GABBR2: variants seen among roughly 807,000 people sequenced by gnomAD.
The protein encoded by GABBR2 is gamma-aminobutyric acid type B receptor subunit 2, also known as G-protein coupled receptor 51.
A neutral mutation model predicts 105.6 loss-of-function variants in GABBR2; 23 were observed. That is an observed-to-expected ratio of 0.22 (90% CI 0.16 to 0.31). GABBR2 has a LOEUF of 0.31. Among genes scored for constraint, GABBR2 ranks in the 10% least tolerant of loss-of-function variants. The pLI is 1.00. For missense variants in GABBR2, 734 were observed against 1,245.5 expected (o/e 0.59, Z 6.18); for synonymous variants, 478 against 499.7 (o/e 0.96, Z 0.58).
intron 1 of GABBR2, among the ~76,000 whole-genome samples, chr9:98,621,864 T>C (rs1453899110): frequency 1.3e-5 from 2 of 152,206 alleles, no homozygotes; most frequent in East Asian, 3.9e-4. Context: ...GAAGTGTATC[T>C]ATACAATATA....
At chr9:98,524,373 T>C (rs1827921168) in intron 3 of GABBR2, among the ~76,000 whole-genome samples, 1 of 152,182 alleles carries the variant, frequency 6.6e-6, no homozygotes, top group African/African-American at 2.4e-5. Flanking sequence ...TTATCATACG[T>C]ACTTACAGAA....
At chr9:98,341,699 C>G (rs888112035) in intron 13 of GABBR2, among the ~76,000 whole-genome samples, 5 of 152,126 alleles carry the variant, frequency 3.3e-5, no homozygotes, top group Non-Finnish European at 2.9e-5. Context: ...TACTCAGTTC[C>G]ACGAGGACCT....
chr9:98,687,527 G>C (rs1830634671), intron 1 of GABBR2, among the ~76,000 whole-genome samples: 1 of 152,174 alleles, frequency 6.6e-6, no homozygotes, highest in African/African-American at 2.4e-5. Context: ...AGGATCAGAG[G>C]AGCCTGACTA....
chr9:98,450,780 C>T (rs915992785), intron 7 of GABBR2, among the ~76,000 whole-genome samples: 1 of 152,192 alleles, frequency 6.6e-6, no homozygotes, highest in South Asian at 2.1e-4. Flanking sequence ...TAAAAAGAAA[C>T]TCATCCTCAA....
At chr9:98,516,619 T>C (rs796679859) in intron 3 of GABBR2, among the ~76,000 whole-genome samples, 10 of 152,124 alleles carry the variant, frequency 6.6e-5, no homozygotes, top group African/African-American at 1.9e-4. Flanking sequence ...CTTTCCAAAA[T>C]CCAAGACAGG....
chr9:98,682,097 C>T (rs759312831), intron 1 of GABBR2, among the ~76,000 whole-genome samples: 54 of 151,752 alleles, frequency 3.6e-4, no homozygotes, highest in Non-Finnish European at 7.4e-4. Flanking sequence ...CATGGTGGCC[C>T]GCACCTGTAG....
intron 1 of GABBR2, among the ~76,000 whole-genome samples, chr9:98,699,212 T>C (rs1396900634): frequency 2.6e-5 from 4 of 152,144 alleles, no homozygotes; most frequent in Admixed American, 6.5e-5. Flanking sequence ...AAAACCATAA[T>C]GCTTCTCAGA....
Position 98,468,885 on chromosome 9 carries a change from C to A in GABBR2, c.999+4261G>T, listed in dbSNP as rs115988291. On this transcript the variant is annotated intron_variant, in intron 6 of 18. Coordinates refer to ENST00000259455, the MANE Select transcript of GABBR2 (RefSeq NM_005458.8). ...GCTGATTTGGATGTGTCCCTAAGCA[C>A]GTCACAGGTCTAGAGGAGCAGCATG... Among the ~76,000 whole-genome samples the A allele has an allele frequency of 5.3e-3, 812 of 152,190 alleles. 13 individuals are homozygous for A. The highest frequency in any genetic ancestry group is 0.018 in the African/African-American group (768 of 41,526).
At chr9:98,652,982 C>T (rs1373752114) in intron 1 of GABBR2, among the ~76,000 whole-genome samples, 1 of 152,220 alleles carries the variant, frequency 6.6e-6, no homozygotes, top group African/African-American at 2.4e-5. Context: ...TTTGGCTACA[C>T]TCCTCAGCTA....
intron 1 of GABBR2, among the ~76,000 whole-genome samples, chr9:98,647,971 T>C (rs1013443006): frequency 2.7e-5 from 4 of 150,126 alleles, no homozygotes; most frequent in Admixed American, 6.7e-5. Context: ...TTTTTTTTTT[T>C]CTCCAAATAA....
At chr9:98,662,296 A>G (rs1178021605) in intron 1 of GABBR2, among the ~76,000 whole-genome samples, 1 of 152,182 alleles carries the variant, frequency 6.6e-6, no homozygotes, top group East Asian at 1.9e-4. Flanking sequence ...GGCCAGCTGG[A>G]ATGGAAGATG....
chr9:98,405,248 A>T (rs376668212), intron 8 of GABBR2, among the ~76,000 whole-genome samples: 1 of 152,182 alleles, frequency 6.6e-6, no homozygotes, highest in Non-Finnish European at 1.5e-5. Context: ...CTGTTTGAAC[A>T]TCTCTAAAAT....
intron 2 of GABBR2, among the ~76,000 whole-genome samples, chr9:98,545,533 G>C (rs1487697504): frequency 4.6e-5 from 7 of 152,174 alleles, no homozygotes; most frequent in African/African-American, 1.7e-4. Context: ...AGATTTTAAA[G>C]AATACTGATG....
At position 98,464,627 on chromosome 9, in the gene GABBR2, C is replaced by T. The variant is rs547377666; in HGVS notation, c.999+8519G>A. ...GTACCCAACAGCTCCGAAGAGACAG[C>T]GACCATCGAGAATGGGCCATGATGA... On this transcript the variant is annotated intron_variant, in intron 6 of 18. Transcript: ENST00000259455. 3.3e-5 allele frequency among the ~76,000 whole-genome samples: 5 copies of T among 152,182 alleles called. No individual in the cohort carries two copies. In the East Asian group the frequency reaches 5.8e-4, roughly 18 times the overall value.
chr9:98,484,993 A>AG (rs1377327864), intron 4 of GABBR2, among the ~76,000 whole-genome samples: 1 of 152,138 alleles, frequency 6.6e-6, no homozygotes, highest in Non-Finnish European at 1.5e-5. Context: ...AGGCAGTAGT[A>AG]GGGGGTAGGG....
chr9:98,573,133 G>C (rs565186854), intron 2 of GABBR2, among the ~76,000 whole-genome samples: 1 of 152,268 alleles, frequency 6.6e-6, no homozygotes, highest in East Asian at 1.9e-4. Flanking sequence ...GCACATTTCA[G>C]TACTCAGTGA....
chr9:98,575,424 C>A (rs1828893618), intron 2 of GABBR2, among the ~76,000 whole-genome samples: 1 of 152,114 alleles, frequency 6.6e-6, no homozygotes, highest in Non-Finnish European at 1.5e-5. Flanking sequence ...GGAGACAGGG[C>A]AGGACTAACC....
At chr9:98,325,480 T>C (rs1350120196) in intron 13 of GABBR2, among the ~76,000 whole-genome samples, 5 of 151,968 alleles carry the variant, frequency 3.3e-5, no homozygotes, top group African/African-American at 1.2e-4. Flanking sequence ...TTAGTAGAGA[T>C]GGGGTTTCCC....
intron 2 of GABBR2, among the ~76,000 whole-genome samples, chr9:98,542,430 C>G (rs12338626): frequency 6.6e-6 from 1 of 151,962 alleles, no homozygotes; most frequent in Non-Finnish European, 1.5e-5. Flanking sequence ...CTTCGTAAAC[C>G]TTATAATAGC....
Sources: gnomAD v4.1 joint callset for allele counts (sites outside exome capture counted in the v4.1 genomes callset) on GRCh38, gnomAD v4.1.1 for gene constraint, MANE v1.5 for transcripts, NCBI Gene and HGNC (gene_info 2026-07-23, HGNC 2026-07-21) for gene names.